The following CD300C variants were observed in gnomAD, a reference collection of about 807,000 sequenced individuals.
CD300C encodes CMRF35-like molecule 6.
In CD300C, 11 loss-of-function variants were observed where a neutral mutation model predicts 18.4. That is an observed-to-expected ratio of 0.60 (90% CI 0.38 to 0.99). CD300C has a LOEUF of 0.99. Among genes scored for constraint, CD300C ranks in the 50% least tolerant of loss-of-function variants. The probability of loss-of-function intolerance (pLI) is 0.01; values close to 1 mark genes in which losing one functional copy is unlikely to be tolerated. For synonymous variants in CD300C, 116 were observed against 116.3 expected, an observed-to-expected ratio of 1.00 and a Z score of 0.02; for missense variants, 277 against 287.4, an observed-to-expected ratio of 0.96 and a Z score of 0.26.
chr17:74,545,938 G>A lies in CD300C; in HGVS notation c.-156C>T. 1 of 679,320 alleles carries A rather than the reference G, an allele frequency of 1.5e-6. No individual in the cohort carries two copies. The highest frequency in any genetic ancestry group is 2.5e-6 in the Non-Finnish European group (1 of 393,688). The allele number at this position is 679,320 out of a possible 1,614,324, so 42.1% of individuals were successfully genotyped here. ...CAGGTCTGAGGCTGGAGAGGGTCAG[G>A]GTACAGGAAGCTCAGGGAGAGAGCC... On this transcript the variant is annotated 5_prime_UTR_variant, in exon 1 of 4. Coordinates refer to ENST00000330793, the MANE Select transcript of CD300C (RefSeq NM_006678.5).
chr17:74,541,610 C>T lies in CD300C; in HGVS notation c.654G>A (p.Trp218Ter). 1 of 1,613,798 alleles carries T rather than the reference C, an allele frequency of 6.2e-7. No individual in the cohort carries two copies. ...GATGCTACTGGTTCTCACCCTTGGG[C>T]CAATTCTGCCTGCTTCTAGAGCTTC... ...PQRSSRSRQN[W>*]PKGENQ The change falls in exon 4 of 4, where the codon TGG (tryptophan) becomes TGA (stop). Residue 218 changes from tryptophan to a stop codon, truncating the protein, a stop_gained. Coordinates refer to ENST00000330793, the MANE Select transcript of CD300C (RefSeq NM_006678.5). LOFTEE classifies it low-confidence loss of function (END_TRUNC).
At chr17:74,537,994 C>A (rs4788844), downstream of CD300C, among the ~76,000 whole-genome samples, 59,246 of 152,024 alleles carry the variant, frequency 0.39, 14,409 homozygotes, top group Middle Eastern at 0.6. Flanking sequence ...AAAGAAATTG[C>A]ATAAGATCAG....
At position 74,542,841 on chromosome 17, in the gene CD300C, C is replaced by T; in HGVS notation, c.527+20G>A. ...GGGGAGGCCGCCAGCGTGGCCCAGT[C>T]CTATGCGCAGGCACCTTACCCAGGG... On this transcript the variant is annotated intron_variant, in intron 3 of 3. Coordinates refer to ENST00000330793, the MANE Select transcript of CD300C (RefSeq NM_006678.5). The T allele has an allele frequency of 6.2e-7, 1 of 1,600,972 alleles. No homozygotes were observed.
the CD300C span, among the ~76,000 whole-genome samples, chr17:74,535,468 T>TCAAAAAAAAAAAAAAAAAAAAAA: frequency 2.8e-5 from 1 of 35,870 alleles, no homozygotes; most frequent in African/African-American, 1.1e-4. Flanking sequence ...AAACTCTGTC[T>TCAAAAAAAAAAAAAAAAAAAAAA]CAAAAAAAAA....
At chr17:74,537,655 A>G (rs533067358), downstream of CD300C, among the ~76,000 whole-genome samples, 1 of 151,944 alleles carries the variant, frequency 6.6e-6, no homozygotes, top group South Asian at 2.1e-4. Flanking sequence ...GTTGAAAGAT[A>G]AAGTCTGATT....
chr17:74,545,251 A>T (rs1908714958), intron 1 of CD300C, among the ~76,000 whole-genome samples: 1 of 150,660 alleles, frequency 6.6e-6, no homozygotes, highest in African/African-American at 2.4e-5. Flanking sequence ...TGTCTGTGTG[A>T]GTGTGACTGT....
downstream of CD300C, among the ~76,000 whole-genome samples, chr17:74,538,726 G>T (rs1420218035): frequency 1.3e-5 from 2 of 152,206 alleles, no homozygotes; most frequent in East Asian, 3.9e-4. Context: ...CAATAACCTG[G>T]ATATCTGTCG....
chr17:74,541,594 G>C lies in CD300C; in HGVS notation c.670C>G (p.Gln224Glu), dbSNP rs766834792. ...GCCTTGATGGACAGCAGATGCTACT[G>C]GTTCTCACCCTTGGGCCAATTCTGC... ...SRQNWPKGEN[Q>E] Residue 224 changes from glutamine to glutamate, a missense_variant, in exon 4 of 4, where the codon CAG becomes GAG. By Grantham distance (29) the Gln-to-Glu change is conservative. Transcript: ENST00000330793. 6.2e-7 allele frequency: 1 copy of C among 1,611,402 alleles called. No individual in the cohort carries two copies. Among genetic ancestry groups the C allele is most frequent in the Non-Finnish European group, 8.5e-7 (1 of 1,177,702 alleles).
the CD300C span, among the ~76,000 whole-genome samples, chr17:74,534,902 A>C: frequency 2.0e-5 from 3 of 152,226 alleles, no homozygotes; most frequent in South Asian, 6.2e-4. Context: ...TCTTTCCTTT[A>C]GAATCAGGAA....
Position 74,545,909 on chromosome 17 carries a change from G to T in CD300C, c.-127C>A. Reference sequence around the variant, plus strand: ...GCTCTCTGCTTCCTTGTCCAGCCCTGTCTCAGGTCTGAGGCTGGAGAGGGT... The same window carrying T: ...GCTCTCTGCTTCCTTGTCCAGCCCTTTCTCAGGTCTGAGGCTGGAGAGGGT... On this transcript the variant is annotated 5_prime_UTR_variant, in exon 1 of 4. Transcript: ENST00000330793. 1 of 825,654 alleles carries T rather than the reference G, an allele frequency of 1.2e-6. No homozygotes were observed. Among genetic ancestry groups the T allele is most frequent in the Non-Finnish European group, 2.0e-6 (1 of 512,032 alleles). 51.1% of individuals were successfully genotyped at this position (825,654 alleles called of 1,614,324 possible). A position where few individuals can be genotyped will look rare whatever the true frequency, so the allele number is the denominator to read the frequency against.
Position 74,541,543 on chromosome 17 carries a change from C to G in CD300C, c.*46G>C. The G allele has an allele frequency of 7.2e-7, 1 of 1,387,068 alleles. No homozygotes were observed. The highest frequency in any genetic ancestry group is 1.0e-6 in the Non-Finnish European group (1 of 973,514). The allele number at this position is 1,387,068 out of a possible 1,614,324, so 85.9% of individuals were successfully genotyped here. On this transcript the variant is annotated 3_prime_UTR_variant, in exon 4 of 4. Coordinates refer to ENST00000330793, the MANE Select transcript of CD300C (RefSeq NM_006678.5). ...GTGGTCAGGAGGTCATTCCAGTCCCCCAGAGGGGCTCTGTTGCAGCACAGG... is the reference window on the plus strand; with the variant it reads ...GTGGTCAGGAGGTCATTCCAGTCCCGCAGAGGGGCTCTGTTGCAGCACAGG...
intron 2 of CD300C, among the ~76,000 whole-genome samples, chr17:74,544,169 C>G (rs547818829): frequency 6.6e-6 from 1 of 152,152 alleles, no homozygotes; most frequent in African/African-American, 2.4e-5. Flanking sequence ...TCCAATTCCC[C>G]GTGGGGAAGA....
intron 2 of CD300C, among the ~76,000 whole-genome samples, 157 bp from the exon 3 acceptor site, chr17:74,543,144 A>G (rs1159109410): frequency 6.6e-6 from 1 of 152,224 alleles, no homozygotes; most frequent in Non-Finnish European, 1.5e-5. Flanking sequence ...AGGCCTGACC[A>G]GGGTCCTGGG....
At chr17:74,536,421 T>C (rs181795813), downstream of CD300C, among the ~76,000 whole-genome samples, 3 of 150,872 alleles carry the variant, frequency 2.0e-5, no homozygotes, top group African/African-American at 7.3e-5. Flanking sequence ...TAATCCCAGC[T>C]ACTCGGGAGG....
chr17:74,545,762 G>A lies in CD300C; in HGVS notation c.21C>T (p.Ala7=), dbSNP rs760138365. The change falls in exon 1 of 4, where the codon GCC becomes GCT. Residue 7 remains alanine, a synonymous_variant. Transcript: ENST00000330793. The stretch of plus-strand genomic sequence containing the variant: ...GGAGCAGAGCTGAAGACCGCCACGA[G>A]GCCCAGGCCCTGGCAGTCATTCCTG... MTARAW[A]SWRSSALLLL... The A allele has an allele frequency of 6.2e-7, 1 of 1,609,440 alleles. No homozygotes were observed. The highest frequency in any genetic ancestry group is 8.5e-7 in the Non-Finnish European group (1 of 1,178,300).
Position 74,545,931 on chromosome 17 carries a change from G to C in CD300C, c.-149C>G, listed in dbSNP as rs1222652715. On this transcript the variant is annotated 5_prime_UTR_variant, in exon 1 of 4. Coordinates refer to ENST00000330793, the MANE Select transcript of CD300C (RefSeq NM_006678.5). ...CCTGTCTCAGGTCTGAGGCTGGAGA[G>C]GGTCAGGGTACAGGAAGCTCAGGGA... is the stretch of plus-strand genomic sequence containing the variant. The C allele has an allele frequency of 9.8e-6, 7 of 712,892 alleles. No individual in the cohort carries two copies. The highest frequency in any genetic ancestry group is 1.7e-5 in the Non-Finnish European group (7 of 417,908). 44.2% of individuals were successfully genotyped at this position (712,892 alleles called of 1,614,324 possible). A position where few individuals can be genotyped will look rare whatever the true frequency, so the allele number is the denominator to read the frequency against.
At position 74,544,042 on chromosome 17, in the gene CD300C, G is replaced by A. The variant is rs529124515; in HGVS notation, c.400+567C>T. Reference sequence around the variant, plus strand: ...CCTGTGTCCTCCAGTGGCTGCTGCAGGAGCTCCCAGGACAGGGCTGTGAGG... The same window carrying A: ...CCTGTGTCCTCCAGTGGCTGCTGCAAGAGCTCCCAGGACAGGGCTGTGAGG... On this transcript the variant is annotated intron_variant, in intron 2 of 3. Transcript: ENST00000330793. Among the ~76,000 whole-genome samples, 201 of 152,306 alleles carry A rather than the reference G, an allele frequency of 1.3e-3. 1 individual carries two copies. The highest frequency in any genetic ancestry group is 4.6e-3 in the African/African-American group (191 of 41,562).
At chr17:74,544,138 G>C (rs551775515) in intron 2 of CD300C, among the ~76,000 whole-genome samples, 11 of 152,314 alleles carry the variant, frequency 7.2e-5, no homozygotes, top group African/African-American at 2.2e-4. Flanking sequence ...CCTTGAGTGA[G>C]AGGAGCCAAT....
At chr17:74,544,146 A>G (rs1482985277) in intron 2 of CD300C, among the ~76,000 whole-genome samples, 3 of 152,170 alleles carry the variant, frequency 2.0e-5, no homozygotes, top group Non-Finnish European at 2.9e-5. Context: ...GAGAGGAGCC[A>G]ATGATGGGGG....
Sources: allele counts gnomAD v4.1 joint callset (sites outside exome capture counted in the v4.1 genomes callset), GRCh38; gene constraint gnomAD v4.1.1; transcripts MANE v1.5; gene names NCBI Gene and HGNC (gene_info 2026-07-23, HGNC 2026-07-21).